Variants in SFI1 observed in about 807,000 individuals in gnomAD.
SFI1 encodes the protein protein SFI1 homolog.
SFI1 carries 195 observed loss-of-function variants against 207.5 expected under a neutral mutation model. That is an observed-to-expected ratio of 0.94 (90% CI 0.84 to 1.06). SFI1 has a LOEUF of 1.06. SFI1 is among the 50% of genes least tolerant of loss of function. The probability of loss-of-function intolerance (pLI) is 0.00; values close to 1 mark genes in which losing one functional copy is unlikely to be tolerated. For synonymous variants in SFI1, 630 were observed against 598.9 expected, an observed-to-expected ratio of 1.05 and a Z score of -0.76; for missense variants, 1,634 against 1,588.0, an observed-to-expected ratio of 1.03 and a Z score of -0.49.
intron 8 of SFI1, among the ~76,000 whole-genome samples, chr22:31,568,218 ATATATATATT>A (rs1244495501): frequency 7.7e-6 from 1 of 129,296 alleles, no homozygotes; most frequent in African/African-American, 3.0e-5. Context: ...GTGTATATAT[ATATATATATT>A]TTTTTTTTTT....
chr22:31,528,832 C>G lies in SFI1; in HGVS notation c.235C>G (p.Arg79Gly), dbSNP rs202173110. Reference sequence around the variant, plus strand: ...GTATCGTGGCACACATACTTGTACCCGACAGGGCCGGTTAAGAGAACTGCG... The same window carrying G: ...GTATCGTGGCACACATACTTGTACCGGACAGGGCCGGTTAAGAGAACTGCG... ...VQYRGTHTCT[R>G]QGRLRELRIR... The change falls in exon 3 of 33, where the codon CGA becomes GGA. Residue 79 changes from arginine (R) to glycine (G), a missense_variant. By Grantham distance (125) the Arg-to-Gly change is moderately radical. Coordinates refer to ENST00000400288, the MANE Select transcript of SFI1 (RefSeq NM_001007467.3). 1.1e-5 allele frequency: 18 copies of G among 1,613,680 alleles called. No individual in the cohort carries two copies. The African/African-American group carries it at 2.0e-4, about 18-fold the overall frequency.
intron 7 of SFI1, among the ~76,000 whole-genome samples, chr22:31,560,591 C>T (rs1226343971): frequency 3.3e-5 from 5 of 151,126 alleles, no homozygotes; most frequent in Non-Finnish European, 5.9e-5. Flanking sequence ...TTAGTAGAGA[C>T]GGGGTTTCAC....
chr22:31,508,274 G>A lies in SFI1; in HGVS notation c.-11G>A. 1 of 1,583,284 alleles carries A rather than the reference G, an allele frequency of 6.3e-7. No homozygotes were observed. The highest frequency in any genetic ancestry group is 8.7e-7 in the Non-Finnish European group (1 of 1,153,634). On this transcript the variant is annotated 5_prime_UTR_variant, in exon 2 of 33. Transcript: ENST00000400288. ...TTGTAGTTAGAAGGGGAAGATAAAA[G>A]ACTTTGATTCATGAAGAATCTGCTC...
At chr22:31,532,944 G>T (rs1370847449) in intron 4 of SFI1, among the ~76,000 whole-genome samples, 1 of 152,188 alleles carries the variant, frequency 6.6e-6, no homozygotes, top group Admixed American at 6.5e-5. Flanking sequence ...ATTGGCAGTG[G>T]GGAAAATGCA....
intron 6 of SFI1, 167 bp downstream of exon 6, chr22:31,550,515 C>G (rs2060526207): frequency 5.1e-6 from 3 of 587,566 alleles, no homozygotes; most frequent in Non-Finnish European, 9.1e-6. Flanking sequence ...GAGTGGGCAC[C>G]TGTATGATTG....
At chr22:31,568,061 A>G (rs1003912593) in intron 8 of SFI1, among the ~76,000 whole-genome samples, 31 of 152,138 alleles carry the variant, frequency 2.0e-4, no homozygotes, top group African/African-American at 7.2e-4. Flanking sequence ...TGTTAGGAAT[A>G]AAGATCTTCA....
At chr22:31,500,511 G>T (rs950739657) in intron 1 of SFI1, among the ~76,000 whole-genome samples, 2 of 152,120 alleles carry the variant, frequency 1.3e-5, no homozygotes, top group Non-Finnish European at 2.9e-5. Flanking sequence ...ACGGTGGAAT[G>T]CATTGGCATG....
chr22:31,575,754 C>T (rs1245450079), intron 10 of SFI1, among the ~76,000 whole-genome samples: 1 of 152,178 alleles, frequency 6.6e-6, no homozygotes, highest in African/African-American at 2.4e-5. Flanking sequence ...GTGCTTTTCT[C>T]TACCCACTAG....
At chr22:31,551,662 C>CCTTG in intron 6 of SFI1, among the ~76,000 whole-genome samples, 1 of 152,180 alleles carries the variant, frequency 6.6e-6, no homozygotes, top group Non-Finnish European at 1.5e-5. Flanking sequence ...AACTCCTGGA[C>CCTTG]TAAAGCAATC....
chr22:31,616,716 C>T (rs1030202430), intron 29 of SFI1, 29 bp from the exon 30 acceptor site: 3 of 1,513,038 alleles, frequency 2.0e-6, no homozygotes, highest in Middle Eastern at 3.6e-4. Flanking sequence ...AGCTTCCTTG[C>T]TCAGCATCTA....
intron 4 of SFI1, among the ~76,000 whole-genome samples, chr22:31,546,330 A>C (rs2060077638): frequency 1.3e-5 from 2 of 151,206 alleles, no homozygotes; most frequent in African/African-American, 4.9e-5. Flanking sequence ...CTTGGTGTTT[A>C]CTTTTTCTTT....
chr22:31,580,392 C>T (rs759048989), intron 12 of SFI1, 28 bp downstream of exon 12: 8 of 1,578,506 alleles, frequency 5.1e-6, no homozygotes, highest in Non-Finnish European at 7.0e-6. Context: ...TATCAAGGGA[C>T]CTCTTCTGAA....
At chr22:31,516,610 G>A (rs1317980346) in intron 2 of SFI1, among the ~76,000 whole-genome samples, 1 of 152,000 alleles carries the variant, frequency 6.6e-6, no homozygotes, top group African/African-American at 2.4e-5. Context: ...TTTGAGGTCA[G>A]GAGTTCAAGA....
At chr22:31,585,242 C>A in intron 14 of SFI1, 108 bp downstream of exon 14, 1 of 909,000 alleles carries the variant, frequency 1.1e-6, no homozygotes, top group South Asian at 1.7e-5. Context: ...TATCGTTCTG[C>A]TTTGGAAGAG....
At chr22:31,616,953 C>T in intron 30 of SFI1, 47 bp from the exon 31 acceptor site, 1 of 1,613,352 alleles carries the variant, frequency 6.2e-7, no homozygotes, top group South Asian at 1.1e-5. Flanking sequence ...TTACCCTGGT[C>T]CCCGAGGGGA....
intron 2 of SFI1, among the ~76,000 whole-genome samples, chr22:31,519,530 G>T (rs956341493): frequency 1.3e-5 from 2 of 151,830 alleles, no homozygotes; most frequent in Non-Finnish European, 2.9e-5. Flanking sequence ...TCTGCCTCGT[G>T]GGTTCAAGCA....
chr22:31,567,825 T>C (rs910840968), intron 8 of SFI1, among the ~76,000 whole-genome samples: 3 of 152,144 alleles, frequency 2.0e-5, no homozygotes, highest in Non-Finnish European at 4.4e-5. Flanking sequence ...CATATCAAGT[T>C]TGTGGCAATG....
intron 2 of SFI1, among the ~76,000 whole-genome samples, chr22:31,526,154 C>T (rs2057885975): frequency 6.6e-6 from 1 of 152,080 alleles, no homozygotes; most frequent in African/African-American, 2.4e-5. Context: ...AGAAGCAAAG[C>T]ACTGAACAGT....
At chr22:31,558,549 A>C (rs192962388) in intron 7 of SFI1, among the ~76,000 whole-genome samples, 7 of 151,454 alleles carry the variant, frequency 4.6e-5, no homozygotes, top group Non-Finnish European at 8.8e-5. Context: ...GCTCACTGCA[A>C]CCTTCTGGGT....
Sources: gnomAD v4.1 joint callset for allele counts (sites outside exome capture counted in the v4.1 genomes callset) on GRCh38, gnomAD v4.1.1 for gene constraint, MANE v1.5 for transcripts, NCBI Gene and HGNC (gene_info 2026-07-23, HGNC 2026-07-21) for gene names.